FBRSL1: variants seen among roughly 807,000 people sequenced by gnomAD.
FBRSL1 encodes fibrosin-1-like protein.
Under a neutral mutation model 89.6 loss-of-function variants are expected in FBRSL1, and 51 were observed. The ratio of observed to expected loss-of-function variants is 0.57; its 90% CI spans 0.45 to 0.72. The LOEUF (loss-of-function observed/expected upper bound fraction) is 0.72, where lower values mean the gene tolerates loss of function less well. Ranked by LOEUF, FBRSL1 falls within the 30% of genes least tolerant of loss-of-function variation. FBRSL1 has a pLI of 0.00. For missense variants in FBRSL1, 1,618 were observed against 1,451.8 expected, an observed-to-expected ratio of 1.11 and a Z score of -1.86; for synonymous variants, 779 against 681.1, an observed-to-expected ratio of 1.14 and a Z score of -2.24.
At chr12:132,511,399 C>T in intron 2 of FBRSL1, 1 of 985,994 alleles carries the variant, frequency 1.0e-6, no homozygotes, top group Non-Finnish European at 1.2e-6. Context: ...CCATCCCTGC[C>T]CCTTCCACGG....
At chr12:132,510,340 C>T (rs1303791918) in intron 2 of FBRSL1, 6 of 1,231,488 alleles carry the variant, frequency 4.9e-6, no homozygotes, top group East Asian at 6.3e-5. Flanking sequence ...CCCCGGCTCT[C>T]GCTCCTGGCC....
intron 2 of FBRSL1, among the ~76,000 whole-genome samples, chr12:132,514,349 C>T (rs1260740220): frequency 6.6e-6 from 1 of 152,208 alleles, no homozygotes; most frequent in Non-Finnish European, 1.5e-5. Context: ...CTGAGCAGGG[C>T]TGCGGCCTGA....
rs1256533628 is a variant in FBRSL1 at position 132,531,655 on chromosome 12, T to TTGGCGTTGTGTGTTGTGCACG, written c.615+3697_615+3717dup. On this transcript the variant is annotated intron_variant, in intron 4 of 18. Coordinates refer to ENST00000680143, the MANE Select transcript of FBRSL1 (RefSeq NM_001367871.1). The stretch of plus-strand genomic sequence containing the variant: ...GCACATGGCGTTGCGTGTTGTGCAC[T>TTGGCGTTGTGTGTTGTGCACG]TGGCGTTGTGTGTTGTGCACGTGGC... Among the ~76,000 whole-genome samples the TTGGCGTTGTGTGTTGTGCACG allele has an allele frequency of 3.2e-4, 48 of 152,058 alleles. 1 individual carries two copies. Among genetic ancestry groups the TTGGCGTTGTGTGTTGTGCACG allele is most frequent in the South Asian group, 1.0e-3 (5 of 4,806 alleles).
intron 4 of FBRSL1, among the ~76,000 whole-genome samples, chr12:132,529,211 T>C (rs1358704651): frequency 6.6e-6 from 1 of 152,174 alleles, no homozygotes; most frequent in Non-Finnish European, 1.5e-5. Flanking sequence ...AGCAGCTTTT[T>C]ATAGGGTGTG....
At chr12:132,548,784 G>T (rs2137340910) in intron 5 of FBRSL1, among the ~76,000 whole-genome samples, 1 of 152,340 alleles carries the variant, frequency 6.6e-6, no homozygotes, top group East Asian at 1.9e-4. Context: ...GGGGCACCTG[G>T]ACGGGGGTGA....
chr12:132,521,261 G>A (rs949345596), intron 2 of FBRSL1, among the ~76,000 whole-genome samples: 1 of 152,220 alleles, frequency 6.6e-6, no homozygotes, highest in South Asian at 2.1e-4. Flanking sequence ...GTGGGGCTGG[G>A]GCAGGGGTGC....
Position 132,572,634 on chromosome 12 carries a change from C to T in FBRSL1, c.1530+12C>T, listed in dbSNP as rs761406782. On this transcript the variant is annotated intron_variant, in intron 11 of 18. Coordinates refer to ENST00000680143, the MANE Select transcript of FBRSL1 (RefSeq NM_001367871.1). ...CTTTTCAGCCTAAGGTACCGCTGCC[C>T]CTGGCAGGTGGGGCGGGCACAGCGG... The T allele has an allele frequency of 3.2e-6, 5 of 1,541,580 alleles. No individual in the cohort carries two copies. The highest frequency in any genetic ancestry group is 2.6e-6 in the Non-Finnish European group (3 of 1,139,882).
intron 5 of FBRSL1, among the ~76,000 whole-genome samples, chr12:132,564,684 ACGGGG>A (rs2039449573): frequency 5.3e-5 from 5 of 95,092 alleles, no homozygotes; most frequent in South Asian, 3.7e-4. Context: ...TTTAGTAGAG[ACGGGG>A]TTTCACCGTG....
At chr12:132,514,612 C>T (rs1022585747) in intron 2 of FBRSL1, among the ~76,000 whole-genome samples, 4 of 152,192 alleles carry the variant, frequency 2.6e-5, no homozygotes, top group African/African-American at 9.7e-5. Context: ...GAAGGGTTTT[C>T]ATGCTGAGCC....
intron 5 of FBRSL1, among the ~76,000 whole-genome samples, chr12:132,557,325 C>T (rs550002559): frequency 1.2e-3 from 190 of 152,342 alleles, no homozygotes; most frequent in Non-Finnish European, 2.2e-3. Flanking sequence ...CCGGTGAATG[C>T]CTTTCTTCCC....
intron 1 of FBRSL1, among the ~76,000 whole-genome samples, chr12:132,500,403 T>C (rs981691230): frequency 6.6e-6 from 1 of 152,074 alleles, no homozygotes; most frequent in African/African-American, 2.4e-5. Context: ...CTGAGCAGGA[T>C]CAGAACTCAG....
At chr12:132,529,717 GCCACCCTGGGCTCTA>G (rs141289923) in intron 4 of FBRSL1, among the ~76,000 whole-genome samples, 9 of 24,834 alleles carry the variant, frequency 3.6e-4, no homozygotes, top group African/African-American at 2.0e-3. Flanking sequence ...GCTCTTCTCT[GCCACCCTGGGCTCTA>G]CCACCCTGGG....
In FBRSL1 at chr12:132,570,471, G is replaced by A. The variant is rs763824156; in HGVS notation, c.1144G>A (p.Ala382Thr). 3.4e-4 allele frequency: 515 copies of A among 1,532,368 alleles called. No homozygotes were observed. The highest frequency in any genetic ancestry group is 3.6e-4 in the Non-Finnish European group (414 of 1,145,086). The allele number at this position is 1,532,368 out of a possible 1,614,324, so 94.9% of individuals were successfully genotyped here. A position where few individuals can be genotyped will look rare whatever the true frequency, so the allele number is the denominator to read the frequency against. Residue 382 changes from alanine (A) to threonine (T), a missense_variant, in exon 8 of 19, where the codon GCA becomes ACA. Transcript: ENST00000680143. The stretch of plus-strand genomic sequence containing the variant: ...CCAGCTCCACGCGGCCATGTTTGCC[G>A]CACCCCCGACACTGCCCCCGCCCCC... The part of the protein sequence containing the change: ...QHQLHAAMFA[A>T]PPTLPPPPAL...
Position 132,490,679 on chromosome 12 carries a change from G to C in FBRSL1, c.109G>C (p.Glu37Gln). The change falls in exon 1 of 19, where the codon GAG (glutamate) becomes CAG (glutamine). Residue 37 changes from glutamate to glutamine, a missense_variant. Coordinates refer to ENST00000680143, the MANE Select transcript of FBRSL1 (RefSeq NM_001367871.1). Reference protein sequence around the residue: ...ARAQSPSSGDEPEPSPGKENA... With the variant: ...ARAQSPSSGDQPEPSPGKENA... The stretch of plus-strand genomic sequence containing the variant: ...CGCCCAGAGTCCGTCGTCGGGCGAC[G>C]AGCCCGAGCCCAGCCCCGGCAAGGA... The C allele has an allele frequency of 5.0e-6, 5 of 999,356 alleles. No individual in the cohort carries two copies. The highest frequency in any genetic ancestry group is 6.0e-6 in the Non-Finnish European group (5 of 835,590). 61.9% of individuals were successfully genotyped at this position (999,356 alleles called of 1,614,324 possible). A position where few individuals can be genotyped will look rare whatever the true frequency, so the allele number is the denominator to read the frequency against.
intron 1 of FBRSL1, among the ~76,000 whole-genome samples, chr12:132,504,880 A>AGCACTCTGGGGG (rs1410154260): frequency 1.3e-5 from 2 of 152,054 alleles, no homozygotes; most frequent in Non-Finnish European, 2.9e-5. Context: ...CTGTAATCCC[A>AGCACTCTGGGGG]GCACTCTGGG....
intron 1 of FBRSL1, among the ~76,000 whole-genome samples, chr12:132,492,605 G>A (rs1002964367): frequency 2.0e-5 from 3 of 152,240 alleles, no homozygotes; most frequent in African/African-American, 7.2e-5. Flanking sequence ...CACGTGTTTT[G>A]CCCGCAGCGG....
rs1475571710 is a variant in FBRSL1, at chr12:132,576,859, C to T, written c.1762C>T (p.Pro588Ser). The part of the protein sequence containing the change: ...VGAKLDLFGR[P>S]PAPGVFAGFH... Reference sequence around the variant, plus strand: ...TGCAAAGCTGGACCTGTTCGGCAGACCCCCTGCCCCGGGCGTGTTTGCAGG... The same window carrying T: ...TGCAAAGCTGGACCTGTTCGGCAGATCCCCTGCCCCGGGCGTGTTTGCAGG... Residue 588 changes from proline to serine, a missense_variant, in exon 15 of 19, where the codon CCC becomes TCC. Transcript: ENST00000680143. 3 of 1,551,002 alleles carry T rather than the reference C, an allele frequency of 1.9e-6. No homozygotes were observed. The highest frequency in any genetic ancestry group is 2.4e-5 in the East Asian group (1 of 40,906).
At chr12:132,522,593 G>T (rs193185776) in intron 2 of FBRSL1, among the ~76,000 whole-genome samples, 128 of 152,310 alleles carry the variant, frequency 8.4e-4, no homozygotes, top group South Asian at 3.5e-3. Flanking sequence ...CTTTGGTTTG[G>T]ATACTGACGT....
In FBRSL1 at chr12:132,510,183, C is replaced by T. The variant is rs1008226902; in HGVS notation, c.489+1833C>T. On this transcript the variant is annotated intron_variant, in intron 2 of 18. Transcript: ENST00000680143. ...CCAGCCCCTGCGGCCGCTCATGGGC[C>T]CCAACAAGCCCTGCAAACCCCAGCC... The T allele has an allele frequency of 8.9e-6, 11 of 1,231,464 alleles. No homozygotes were observed. The African/African-American group carries it at 1.4e-4, about 16-fold the overall frequency. The allele number at this position is 1,231,464 out of a possible 1,614,324, so 76.3% of individuals were successfully genotyped here.
Sources: gnomAD v4.1 joint callset for allele counts (sites outside exome capture counted in the v4.1 genomes callset) on GRCh38, gnomAD v4.1.1 for gene constraint, MANE v1.5 for transcripts, NCBI Gene and HGNC (gene_info 2026-07-23, HGNC 2026-07-21) for gene names.